The following MROH6 variants were observed in gnomAD, a reference collection of about 807,000 sequenced individuals.
MROH6 encodes the protein maestro heat-like repeat-containing protein family member 6.
Under a neutral mutation model 67.7 loss-of-function variants are expected in MROH6, and 62 were observed. That is an observed-to-expected ratio of 0.92 (90% confidence interval 0.75 to 1.13). The LOEUF is 1.13. MROH6 is among the 50% of genes most tolerant of loss of function. MROH6 has a pLI of 0.00. For synonymous variants in MROH6, 566 were observed against 470.8 expected (o/e 1.20, Z -2.62); for missense variants, 1,175 against 1,029.1 (o/e 1.14, Z -1.94).
intron 6 of MROH6, 50 bp downstream of exon 6, chr8:143,570,193 C>T (rs781233769): frequency 2.2e-5 from 34 of 1,557,836 alleles, no homozygotes; most frequent in East Asian, 4.5e-5. Context: ...TGGCCAGCAA[C>T]GACTCTCTTC....
intron 10 of MROH6, 127 bp from the exon 11 acceptor site, chr8:143,568,388 T>C: frequency 6.9e-7 from 1 of 1,442,712 alleles, no homozygotes; most frequent in East Asian, 2.5e-5. Context: ...ACTGGATTGA[T>C]TCTGCTCAAG....
Position 143,569,518 on chromosome 8 carries a change from GCCTCCTC to G in MROH6, c.1392_1398del (p.Arg465SerfsTer12). On this transcript the variant is annotated frameshift_variant, in exon 9 of 14. Transcript: ENST00000398882. LOFTEE classifies it high-confidence loss of function. ...ACAGGCGCCCGGGGCCGCAGCAGGAGCCTCCTCAGGGCGCCCAGCGCTGCACCCACGA... is the reference window on the plus strand; with the variant it reads ...ACAGGCGCCCGGGGCCGCAGCAGGAGAGGGCGCCCAGCGCTGCACCCACGA... 6.7e-7 allele frequency: 1 copy of G among 1,500,432 alleles called. No homozygotes were observed. The highest frequency in any genetic ancestry group is 2.7e-5 in the East Asian group (1 of 37,626). 92.9% of individuals were successfully genotyped at this position (1,500,432 alleles called of 1,614,324 possible).
In MROH6 at chr8:143,569,979, C is replaced by T. The variant is rs113705108; in HGVS notation, c.1130G>A (p.Arg377His). Residue 377 changes from arginine to histidine, a missense_variant, in exon 7 of 14, where the codon CGT becomes CAT. By Grantham distance (29) the Arg-to-His change is conservative (BLOSUM62 0). Transcript: ENST00000398882. ...TGTGAAGAAGGCCATAGCCGTGAGACGCTGCGGGTCGTCCGCGCTGCGAAG... is the reference window on the plus strand; with the variant it reads ...TGTGAAGAAGGCCATAGCCGTGAGATGCTGCGGGTCGTCCGCGCTGCGAAG... ...PRLRSADDPQ[R>H]LTAMAFFTGL... 61 of 1,610,770 alleles carry T rather than the reference C, an allele frequency of 3.8e-5. No individual in the cohort carries two copies. The South Asian group carries it at 6.3e-4, about 17-fold the overall frequency.
chr8:143,568,019 C>T, intron 11 of MROH6, 123 bp downstream of exon 11: 2 of 1,463,454 alleles, frequency 1.4e-6, no homozygotes, highest in South Asian at 2.7e-5. Context: ...AGACCTTGGA[C>T]TTGCCCCACC....
intron 9 of MROH6, 40 bp from the exon 10 acceptor site, chr8:143,568,759 A>C (rs1823794400): frequency 1.2e-5 from 15 of 1,219,226 alleles, no homozygotes; most frequent in Admixed American, 2.9e-5. Context: ...GGAGACAGAG[A>C]GGGGCTGCAA....
At position 143,572,187 on chromosome 8, in the gene MROH6, T is replaced by C. The variant is rs1435716342; in HGVS notation, c.295-2A>G. 1.2e-6 allele frequency: 2 copies of C among 1,612,406 alleles called. No individual in the cohort carries two copies. The highest frequency in any genetic ancestry group is 1.7e-6 in the Non-Finnish European group (2 of 1,179,548). On this transcript the variant is annotated splice_acceptor_variant, in intron 1 of 13. Coordinates refer to ENST00000398882, the MANE Select transcript of MROH6 (RefSeq NM_001100878.2). LOFTEE classifies it high-confidence loss of function. ...CTCCTCCCAGGAACTCTGGGGAACC[T>C]AGGGCAGGATGGGTGGGGCGTCTGA... is the stretch of plus-strand genomic sequence containing the variant.
chr8:143,571,937 G>A (rs567440269), intron 2 of MROH6, 96 bp downstream of exon 2: 1 of 1,481,874 alleles, frequency 6.7e-7, no homozygotes, highest in East Asian at 2.4e-5. Context: ...GCAGCCTGAA[G>A]ATGGCAGGGT....
intron 9 of MROH6, 151 bp from the exon 10 acceptor site, chr8:143,568,870 G>T (rs1171940423): frequency 6.7e-6 from 4 of 594,676 alleles, no homozygotes. Flanking sequence ...CCTGGAGCTG[G>T]ACCTGGTTGG....
At position 143,570,343 on chromosome 8, in the gene MROH6, C is replaced by T. The variant is rs1186162614; in HGVS notation, c.943G>A (p.Asp315Asn). 3 of 1,610,724 alleles carry T rather than the reference C, an allele frequency of 1.9e-6. No individual in the cohort carries two copies. The highest frequency in any genetic ancestry group is 2.2e-5 in the South Asian group (2 of 91,054). Residue 315 changes from aspartate to asparagine, a missense_variant, in exon 6 of 14, where the codon GAT (aspartate) becomes AAT (asparagine). Physicochemically the swap from Asp to Asn is conservative, Grantham distance 23. Coordinates refer to ENST00000398882, the MANE Select transcript of MROH6 (RefSeq NM_001100878.2). ...VEALKALLTG[D>N]GGRMVVTCME... Reference sequence around the variant, plus strand: ...CACGTGACCACCATGCGGCCTCCATCCCCGGTGAGCAGCGCCTTCAAGGCC... The same window carrying T: ...CACGTGACCACCATGCGGCCTCCATTCCCGGTGAGCAGCGCCTTCAAGGCC...
chr8:143,570,104 C>A (rs572501326), intron 6 of MROH6, 39 bp from the exon 7 acceptor site: 1 of 1,592,266 alleles, frequency 6.3e-7, no homozygotes, highest in Non-Finnish European at 8.5e-7. Context: ...CTCCGTTTGG[C>A]GGCCTTTCTC....
Position 143,571,805 on chromosome 8 carries a change from C to A in MROH6, c.464G>T (p.Arg155Leu). 1 of 1,546,468 alleles carries A rather than the reference C, an allele frequency of 6.5e-7. No homozygotes were observed. ...GCTGGGCACCTGCGCCAGCAGCCCA[C>A]GCACCAGAGCATGCACCTGGTGGGG... ...RLEDQVHALV[R>L]GLLAQVPSLA... The change falls in exon 3 of 14, where the codon CGT becomes CTT. Residue 155 changes from arginine to leucine, a missense_variant. Physicochemically the swap from Arg to Leu is moderately radical, Grantham distance 102 (BLOSUM62 -2). Coordinates refer to ENST00000398882, the MANE Select transcript of MROH6 (RefSeq NM_001100878.2).
In MROH6 at chr8:143,569,828, G is replaced by C; in HGVS notation, c.1171C>G (p.Arg391Gly). 3.7e-6 allele frequency: 6 copies of C among 1,611,002 alleles called. No homozygotes were observed. Among genetic ancestry groups the C allele is most frequent in the Non-Finnish European group, 5.1e-6 (6 of 1,179,026 alleles). Reference sequence around the variant, plus strand: ...TCCCGCAGGAGCCGTGCGGTGGGCCGGCTCTGCAACAGCTAGGCGAGGCAC... The same window carrying C: ...TCCCGCAGGAGCCGTGCGGTGGGCCCGCTCTGCAACAGCTAGGCGAGGCAC... ...MAFFTGLLQS[R>G]PTARLLREEV... Residue 391 changes from arginine to glycine, a missense_variant, in exon 8 of 14, where the codon CGG becomes GGG. Transcript: ENST00000398882.
chr8:143,568,390 C>T, intron 10 of MROH6, 129 bp from the exon 11 acceptor site: 1 of 1,441,976 alleles, frequency 6.9e-7, no homozygotes, highest in Non-Finnish European at 9.2e-7. Context: ...TGGATTGATT[C>T]TGCTCAAGGG....
chr8:143,569,746 C>A lies in MROH6; in HGVS notation c.1253G>T (p.Arg418Leu). The A allele has an allele frequency of 6.2e-7, 1 of 1,613,210 alleles. No individual in the cohort carries two copies. The highest frequency in any genetic ancestry group is 8.5e-7 in the Non-Finnish European group (1 of 1,179,742). ...TWQGDPEPTVRWLGLLGLGHL... is the reference protein window; with the variant it reads ...TWQGDPEPTVLWLGLLGLGHL... ...GCCCAGGCCCAGCAGGCCCAACCAGCGCACAGTGGGTTCGGGGTCTCCCTG... is the reference window on the plus strand; with the variant it reads ...GCCCAGGCCCAGCAGGCCCAACCAGAGCACAGTGGGTTCGGGGTCTCCCTG... Residue 418 changes from arginine (R) to leucine (L), a missense_variant, in exon 8 of 14, where the codon CGC (arginine) becomes CTC (leucine). Transcript: ENST00000398882.
Position 143,570,333 on chromosome 8 carries a change from C to G in MROH6, c.953G>C (p.Arg318Pro). The change falls in exon 6 of 14, where the codon CGC becomes CCC. Residue 318 changes from arginine to proline, a missense_variant. Coordinates refer to ENST00000398882, the MANE Select transcript of MROH6 (RefSeq NM_001100878.2). Reference sequence around the variant, plus strand: ...CTGCTCCATGCACGTGACCACCATGCGGCCTCCATCCCCGGTGAGCAGCGC... The same window carrying G: ...CTGCTCCATGCACGTGACCACCATGGGGCCTCCATCCCCGGTGAGCAGCGC... ...LKALLTGDGG[R>P]MVVTCMEQAG... 6.2e-7 allele frequency: 1 copy of G among 1,609,962 alleles called. No homozygotes were observed. Among genetic ancestry groups the G allele is most frequent in the Non-Finnish European group, 8.5e-7 (1 of 1,179,662 alleles).
Position 143,567,481 on chromosome 8 carries a change from G to A in MROH6, c.1934-16C>T, listed in dbSNP as rs551442265. 1.4e-4 allele frequency: 197 copies of A among 1,425,252 alleles called. No homozygotes were observed. In the South Asian group the frequency reaches 2.5e-3, roughly 18 times the overall value. The allele number at this position is 1,425,252 out of a possible 1,614,324, so 88.3% of individuals were successfully genotyped here. A position where few individuals can be genotyped will look rare whatever the true frequency, so the allele number is the denominator to read the frequency against. The stretch of plus-strand genomic sequence containing the variant: ...CGCCCTAGGTCTGCGAGGAGATCGC[G>A]GCTCAGGCTGGGGAGCCCAGGAGGG... On this transcript the variant is annotated splice_polypyrimidine_tract_variant and intron_variant, in intron 13 of 13. Transcript: ENST00000398882.
rs566900395 is a variant in MROH6 at position 143,567,867 on chromosome 8, C to T, written c.1786G>A (p.Val596Met). 9.2e-6 allele frequency: 14 copies of T among 1,528,120 alleles called. No homozygotes were observed. In the South Asian group the frequency reaches 1.3e-4, roughly 14 times the overall value. The allele number at this position is 1,528,120 out of a possible 1,614,324, so 94.7% of individuals were successfully genotyped here. A position where few individuals can be genotyped will look rare whatever the true frequency, so the allele number is the denominator to read the frequency against. ...TGGGTCTGGCTCAGGAAGTTGGGCA[C>T]GTGGCCTGGGTATCGCTGAACCTGG... ...CRLVQRYPGH[V>M]PNFLSQTQGY... is the part of the protein sequence containing the mutation. The change falls in exon 12 of 14, where the codon GTG (valine) becomes ATG (methionine). Residue 596 changes from valine to methionine, a missense_variant. Transcript: ENST00000398882.
At chr8:143,569,297 GGAGA>G in intron 9 of MROH6, 140 bp downstream of exon 9, 1 of 499,222 alleles carries the variant, frequency 2.0e-6, no homozygotes, top group East Asian at 3.8e-5. Context: ...GGCCTGGGAG[GGAGA>G]GACTGGAAGG....
At position 143,569,781 on chromosome 8, in the gene MROH6, G is replaced by A; in HGVS notation, c.1218C>T (p.Leu406=). The A allele has an allele frequency of 6.2e-7, 1 of 1,612,758 alleles. No homozygotes were observed. Among genetic ancestry groups the A allele is most frequent in the Non-Finnish European group, 8.5e-7 (1 of 1,179,672 alleles). The change falls in exon 8 of 14, where the codon CTC becomes CTT. Residue 406 remains leucine, a synonymous_variant. Transcript: ENST00000398882. Reference sequence around the variant, plus strand: ...GTTCGGGGTCTCCCTGCCAGGTGAGGAGTCGCTCCAGGATGACCTCCTCCC... The same window carrying A: ...GTTCGGGGTCTCCCTGCCAGGTGAGAAGTCGCTCCAGGATGACCTCCTCCC... The part of the protein sequence containing the change: ...LLREEVILER[L]LTWQGDPEPT...
Sources: gnomAD v4.1 joint callset for allele counts on GRCh38, gnomAD v4.1.1 for gene constraint, MANE v1.5 for transcripts, NCBI Gene and HGNC (gene_info 2026-07-23, HGNC 2026-07-21) for gene names.